Variants in NRXN3 observed in about 807,000 individuals in gnomAD.
NRXN3 encodes neurexin 3.
NRXN3 carries 32 observed loss-of-function variants against 137.6 expected under a neutral mutation model. The ratio of observed to expected loss-of-function variants is 0.23; its 90% CI spans 0.18 to 0.31. The LOEUF (loss-of-function observed/expected upper bound fraction) is 0.31, where lower values mean the gene tolerates loss of function less well. NRXN3 is among the 10% of genes least tolerant of loss of function. The pLI, the probability that NRXN3 is intolerant of heterozygous loss-of-function variation, is 1.00. For missense variants in NRXN3, 1,574 were observed against 2,062.5 expected, an observed-to-expected ratio of 0.76 and a Z score of 4.59; for synonymous variants, 798 against 784.5, an observed-to-expected ratio of 1.02 and a Z score of -0.29.
intron 19 of NRXN3, among the ~76,000 whole-genome samples, chr14:79,706,824 T>C (rs10145847): frequency 0.11 from 17,285 of 152,206 alleles, 1,185 homozygotes; most frequent in East Asian, 0.31. Context: ...GTTTCACCCC[T>C]GAACATCTGC....
intron 16 of NRXN3, among the ~76,000 whole-genome samples, chr14:79,545,183 G>T (rs954383731): frequency 6.6e-6 from 1 of 152,076 alleles, no homozygotes; most frequent in Admixed American, 6.6e-5. Context: ...CATTTTCATG[G>T]CTTAAAGCAA....
chr14:79,445,264 C>T (rs960785535), intron 15 of NRXN3, among the ~76,000 whole-genome samples: 21 of 151,044 alleles, frequency 1.4e-4, no homozygotes, highest in Non-Finnish European at 2.2e-4. Flanking sequence ...CACTTGAACC[C>T]GGGAGTCAGA....
rs58620442 is a variant in NRXN3, at chr14:79,656,616, C to CT, written c.3445-7146dup. 4.8e-3 allele frequency among the ~76,000 whole-genome samples: 661 copies of CT among 137,816 alleles called. 2 individuals carry two copies. Among genetic ancestry groups the CT allele is most frequent in the Non-Finnish European group, 6.0e-3 (383 of 63,868 alleles). The allele number at this position is 137,816 out of a possible 152,430, so 90.4% of individuals were successfully genotyped here. On this transcript the variant is annotated intron_variant, in intron 16 of 20. Coordinates refer to ENST00000335750, the MANE Select transcript of NRXN3 (RefSeq NM_001330195.2). ...GCTGTCATCCCTACTCTCTCTCTCT[C>CT]TTTTTTTTTTTTTTTTGCTTGGAGT...
chr14:79,117,060 A>G (rs151245989), intron 15 of NRXN3, among the ~76,000 whole-genome samples: 151 of 152,326 alleles, frequency 9.9e-4, no homozygotes, highest in Middle Eastern at 6.8e-3. Context: ...GTAAAAAAAT[A>G]TTCTGTTTGT....
intron 4 of NRXN3, among the ~76,000 whole-genome samples, chr14:78,481,490 A>G (rs1332076071): frequency 6.6e-6 from 1 of 152,198 alleles, no homozygotes; most frequent in Non-Finnish European, 1.5e-5. Flanking sequence ...ATGGTGATTC[A>G]GGAGTGACAG....
chr14:79,444,581 T>C (rs1379862636), intron 15 of NRXN3, among the ~76,000 whole-genome samples: 1 of 152,188 alleles, frequency 6.6e-6, no homozygotes, highest in Admixed American at 6.5e-5. Context: ...TCCCATTACT[T>C]TGGGAGGCTG....
chr14:79,174,071 C>T (rs557224623), intron 15 of NRXN3, among the ~76,000 whole-genome samples: 8 of 152,088 alleles, frequency 5.3e-5, no homozygotes, highest in Non-Finnish European at 1.2e-4. Context: ...CTAATCTGGG[C>T]ATATTTGCAA....
At chr14:78,491,661 A>G (rs1367427873) in intron 4 of NRXN3, among the ~76,000 whole-genome samples, 1 of 152,148 alleles carries the variant, frequency 6.6e-6, no homozygotes, top group African/African-American at 2.4e-5. Context: ...TTGGGGACAA[A>G]GACTGTGCTG....
rs1597427224 is a variant in NRXN3 at position 78,333,297 on chromosome 14, T to C, written c.757+35437T>C. Among the ~76,000 whole-genome samples, 4 of 152,196 alleles carry C rather than the reference T, an allele frequency of 2.6e-5. No individual in the cohort carries two copies. In the South Asian group the frequency reaches 8.3e-4, roughly 32 times the overall value. On this transcript the variant is annotated intron_variant, in intron 4 of 20. Transcript: ENST00000335750. ...AAGGGAGGCCTGTGAGGTCAGTACC[T>C]TGAGGGATTTGTGCTGTGACTTCCA... is the stretch of plus-strand genomic sequence containing the variant.
chr14:79,365,751 AAAG>A (rs1038876817), intron 15 of NRXN3, among the ~76,000 whole-genome samples: 2 of 149,078 alleles, frequency 1.3e-5, no homozygotes, highest in African/African-American at 2.4e-5. Context: ...AAAAGAAAAA[AAAG>A]AAGAGTTTTA....
At chr14:79,663,693 T>C in intron 16 of NRXN3, 85 bp from the exon 17 acceptor site, 2 of 1,188,966 alleles carry the variant, frequency 1.7e-6, no homozygotes, top group Non-Finnish European at 2.4e-6. Flanking sequence ...CACCTACAGG[T>C]TTATTGCTGG....
chr14:78,967,109 A>T (rs2099419108), intron 12 of NRXN3, 99 bp from the exon 13 acceptor site: 1 of 941,120 alleles, frequency 1.1e-6, no homozygotes. Flanking sequence ...CCAGTTTAGC[A>T]TGGGGGATTT....
intron 10 of NRXN3, among the ~76,000 whole-genome samples, chr14:78,820,609 A>G (rs1234688805): frequency 6.6e-6 from 1 of 152,082 alleles, no homozygotes; most frequent in Non-Finnish European, 1.5e-5. Flanking sequence ...ATCTGTTCAG[A>G]AAATCATTGT....
At chr14:79,517,094 C>CCCCCA (rs1555499646) in intron 16 of NRXN3, among the ~76,000 whole-genome samples, 2 of 130,914 alleles carry the variant, frequency 1.5e-5, no homozygotes, top group East Asian at 4.4e-4. Flanking sequence ...AATGTACAGC[C>CCCCCA]CCCCCCCCCT....
At chr14:79,398,694 G>A (rs1000830499) in intron 15 of NRXN3, among the ~76,000 whole-genome samples, 7 of 151,950 alleles carry the variant, frequency 4.6e-5, no homozygotes, top group African/African-American at 1.7e-4. Flanking sequence ...GGGGTTCAAG[G>A]GGGTTGAGTC....
chr14:79,601,136 G>A (rs1012688494), intron 16 of NRXN3, among the ~76,000 whole-genome samples: 6 of 140,442 alleles, frequency 4.3e-5, no homozygotes, highest in Non-Finnish European at 7.5e-5. Context: ...CTCCGACTCC[G>A]TGGTTCAAGC....
At chr14:79,199,995 T>A (rs2065736227) in intron 15 of NRXN3, 1 of 152,064 alleles carries the variant, frequency 6.6e-6, no homozygotes, top group South Asian at 2.1e-4. Context: ...AGAACAAGAA[T>A]TGAGAGGTCA....
At position 79,018,758 on chromosome 14, in the gene NRXN3, A is replaced by G. The variant is rs375227884; in HGVS notation, c.3262+30617A>G. Among the ~76,000 whole-genome samples, 12 of 152,270 alleles carry G rather than the reference A, an allele frequency of 7.9e-5. No individual in the cohort carries two copies. In the South Asian group the frequency reaches 2.3e-3, roughly 29 times the overall value. Reference sequence around the variant, plus strand: ...AAAGTAGTACAATAAACCTATTGCTAGTGTCTCAATATTTGCCTCCAAGAG... The same window carrying G: ...AAAGTAGTACAATAAACCTATTGCTGGTGTCTCAATATTTGCCTCCAAGAG... On this transcript the variant is annotated intron_variant, in intron 15 of 20. Coordinates refer to ENST00000335750, the MANE Select transcript of NRXN3 (RefSeq NM_001330195.2).
chr14:79,729,214 T>C (rs11849419), intron 19 of NRXN3, among the ~76,000 whole-genome samples: 4,979 of 152,284 alleles, frequency 0.033, 266 homozygotes, highest in African/African-American at 0.11. Context: ...AAAGTTGGCA[T>C]TTATTTATTT....
Sources: gnomAD v4.1 joint callset for allele counts (sites outside exome capture counted in the v4.1 genomes callset) on GRCh38, gnomAD v4.1.1 for gene constraint, MANE v1.5 for transcripts, NCBI Gene and HGNC (gene_info 2026-07-23, HGNC 2026-07-21) for gene names.